Variants in CDIN1 observed in about 807,000 individuals in gnomAD.
The protein encoded by CDIN1 is CDAN1 interacting nuclease 1, also known as CDAN1-interacting nuclease 1.
In CDIN1, 33 loss-of-function variants were observed where a neutral mutation model predicts 45.3. The observed-to-expected ratio is 0.73, with a 90% confidence interval of 0.55 to 0.97. The LOEUF (loss-of-function observed/expected upper bound fraction) is 0.97. CDIN1 is among the 50% of genes least tolerant of loss of function. CDIN1 has a pLI of 0.00. For missense variants in CDIN1, 303 were observed against 339.4 expected, an observed-to-expected ratio of 0.89 and a Z score of 0.84; for synonymous variants, 118 against 124.4, an observed-to-expected ratio of 0.95 and a Z score of 0.34.
intron 1 of CDIN1, among the ~76,000 whole-genome samples, chr15:36,638,799 T>C (rs901774291): frequency 3.9e-5 from 6 of 152,224 alleles, no homozygotes; most frequent in Admixed American, 3.3e-4. Flanking sequence ...AAAAGCCACA[T>C]GCCCCACATT....
chr15:36,697,086 C>G (rs1050904400), intron 7 of CDIN1, among the ~76,000 whole-genome samples: 4 of 151,516 alleles, frequency 2.6e-5, no homozygotes, highest in Non-Finnish European at 4.4e-5. Flanking sequence ...GATTGTGCCA[C>G]TGCTCTCCAG....
intron 1 of CDIN1, chr15:36,619,134 A>T: frequency 1.8e-6 from 2 of 1,103,782 alleles, no homozygotes; most frequent in Non-Finnish European, 2.7e-6. Context: ...CTGGCTTCTG[A>T]GGCCATACCA....
chr15:36,618,231 C>A (rs1435250974), intron 1 of CDIN1: 2 of 675,654 alleles, frequency 3.0e-6, no homozygotes, highest in Admixed American at 4.5e-5. Context: ...TTAGGTCATC[C>A]AGTGGTTCAG....
At chr15:36,745,889 C>G (rs1479665258) in intron 10 of CDIN1, among the ~76,000 whole-genome samples, 27 of 151,980 alleles carry the variant, frequency 1.8e-4, no homozygotes, top group Admixed American at 1.8e-3. Flanking sequence ...TCGCTTGAAC[C>G]CAGGAGTTAG....
chr15:36,808,497 C>T lies in CDIN1; in HGVS notation c.*44C>T, dbSNP rs572279724. ...AGAAGCTGGGAGGAAAAGGTGAATC[C>T]GGAAGCAATTTTACTTTCCTGCACT... On this transcript the variant is annotated 3_prime_UTR_variant, in exon 11 of 11. Coordinates refer to ENST00000566621, the MANE Select transcript of CDIN1 (RefSeq NM_001321759.2). The T allele has an allele frequency of 1.2e-4, 199 of 1,606,940 alleles. No individual in the cohort carries two copies. The highest frequency in any genetic ancestry group is 6.0e-4 in the East Asian group (27 of 44,664).
intron 10 of CDIN1, among the ~76,000 whole-genome samples, chr15:36,726,472 C>G (rs967818280): frequency 1.3e-5 from 2 of 152,174 alleles, no homozygotes; most frequent in African/African-American, 4.8e-5. Context: ...AGCGTGGCCA[C>G]CCCCACACAC....
intron 10 of CDIN1, among the ~76,000 whole-genome samples, chr15:36,797,576 T>A (rs979613660): frequency 1.3e-5 from 2 of 152,206 alleles, no homozygotes; most frequent in Non-Finnish European, 2.9e-5. Flanking sequence ...TCCCCCTTAA[T>A]ATCCTAGACA....
chr15:36,645,723 C>T (rs1201599600), intron 3 of CDIN1, among the ~76,000 whole-genome samples: 1 of 151,706 alleles, frequency 6.6e-6, no homozygotes, highest in East Asian at 1.9e-4. Flanking sequence ...ATTTGGATGT[C>T]ATTTTATTTT....
chr15:36,684,146 T>G (rs1171026901), intron 5 of CDIN1, among the ~76,000 whole-genome samples: 2 of 150,892 alleles, frequency 1.3e-5, no homozygotes, highest in African/African-American at 4.9e-5. Flanking sequence ...CATCCCTGTC[T>G]TGTGCCAGTT....
chr15:36,654,122 T>G lies in CDIN1; in HGVS notation c.237T>G (p.Asn79Lys). 1 of 1,579,184 alleles carries G rather than the reference T, an allele frequency of 6.3e-7. No individual in the cohort carries two copies. Among genetic ancestry groups the G allele is most frequent in the Non-Finnish European group, 8.6e-7 (1 of 1,160,286 alleles). ...YQRYLNGVVK[N>K]GAAPVLLDLA... ...GGTACCTGAATGGAGTGGTGAAAAA[T>G]GGAGCTGCCCCAGTGCTCCTGGACC... Residue 79 changes from asparagine to lysine, a missense_variant, in exon 4 of 11, where the codon AAT (asparagine) becomes AAG (lysine). Asn to Lys is a moderately conservative substitution (Grantham distance 94, BLOSUM62 0). Transcript: ENST00000566621.
chr15:36,775,308 C>T (rs755599778), intron 10 of CDIN1, among the ~76,000 whole-genome samples: 2 of 152,204 alleles, frequency 1.3e-5, no homozygotes, highest in Non-Finnish European at 2.9e-5. Flanking sequence ...CCGAAGCACT[C>T]GATCATGTTG....
chr15:36,767,499 A>C (rs1300963512), intron 10 of CDIN1, among the ~76,000 whole-genome samples: 1 of 152,218 alleles, frequency 6.6e-6, no homozygotes, highest in African/African-American at 2.4e-5. Context: ...CTATTTTAAG[A>C]GTTGACACAG....
intron 4 of CDIN1, 120 bp downstream of exon 4, chr15:36,654,278 C>G (rs896741681): frequency 1.4e-6 from 1 of 690,982 alleles, no homozygotes; most frequent in Admixed American, 2.7e-5. Context: ...GTGCATTAGA[C>G]ATTTAAATTG....
chr15:36,692,061 T>TA (rs1294056908), intron 6 of CDIN1, 65 bp from the exon 7 acceptor site: 2 of 1,473,752 alleles, frequency 1.4e-6, no homozygotes, highest in Non-Finnish European at 1.9e-6. Context: ...GCTTTTAGGA[T>TA]ATTGTTTACT....
intron 1 of CDIN1, among the ~76,000 whole-genome samples, chr15:36,587,895 T>C (rs1240204242): frequency 6.6e-6 from 1 of 152,194 alleles, no homozygotes; most frequent in Non-Finnish European, 1.5e-5. Flanking sequence ...TTGTCTCTTC[T>C]TGATCAGTTC....
chr15:36,680,448 A>G (rs1410414644), intron 5 of CDIN1, among the ~76,000 whole-genome samples: 6 of 152,226 alleles, frequency 3.9e-5, no homozygotes, highest in Non-Finnish European at 5.9e-5. Context: ...AGTGGGCCAT[A>G]TTTCCATGAA....
chr15:36,643,373 G>GA (rs1334126962), intron 1 of CDIN1, among the ~76,000 whole-genome samples: 3 of 152,024 alleles, frequency 2.0e-5, no homozygotes, highest in Admixed American at 1.3e-4. Context: ...TTTATAAATA[G>GA]AAAAAAATGT....
intron 3 of CDIN1, among the ~76,000 whole-genome samples, chr15:36,652,825 A>G (rs1172066823): frequency 1.3e-5 from 2 of 152,186 alleles, no homozygotes; most frequent in African/African-American, 4.8e-5. Flanking sequence ...ATAATTTAGT[A>G]CCTACTTCTG....
chr15:36,769,946 T>C (rs1392373598), intron 10 of CDIN1, among the ~76,000 whole-genome samples: 1 of 152,190 alleles, frequency 6.6e-6, no homozygotes, highest in African/African-American at 2.4e-5. Context: ...ATTGGGCCCT[T>C]ATGAAATGAA....
Sources: gnomAD v4.1 joint callset for allele counts (sites outside exome capture counted in the v4.1 genomes callset) on GRCh38, gnomAD v4.1.1 for gene constraint, MANE v1.5 for transcripts, NCBI Gene and HGNC (gene_info 2026-07-23, HGNC 2026-07-21) for gene names.